SIK3: variants seen among roughly 807,000 people sequenced by gnomAD.
SIK3 encodes the protein serine/threonine-protein kinase SIK3.
A neutral mutation model predicts 144.2 loss-of-function variants in SIK3; 28 were observed. That is an observed-to-expected ratio of 0.19 (90% CI 0.14 to 0.27). SIK3 has a LOEUF of 0.27. SIK3 is among the 10% of genes least tolerant of loss of function. The pLI, the probability that SIK3 is intolerant of heterozygous loss-of-function variation, is 1.00. For synonymous variants in SIK3, 686 were observed against 676.3 expected (o/e 1.01, Z -0.22); for missense variants, 1,319 against 1,776.0 (o/e 0.74, Z 4.62).
At chr11:116,919,315 G>A (rs1946835834) in intron 4 of SIK3, among the ~76,000 whole-genome samples, 1 of 152,072 alleles carries the variant, frequency 6.6e-6, no homozygotes, top group Non-Finnish European at 1.5e-5. Flanking sequence ...ATAATAAAAT[G>A]GTCTAGCTCT....
intron 6 of SIK3, among the ~76,000 whole-genome samples, chr11:116,879,180 A>T (rs1216018380): frequency 2.0e-5 from 3 of 152,152 alleles, no homozygotes; most frequent in African/African-American, 7.2e-5. Context: ...AATTGTGAAA[A>T]TTTTTTTAAA....
chr11:116,987,334 A>AAC lies in SIK3; in HGVS notation c.274-30271_274-30270insGT, dbSNP rs757046122. On this transcript the variant is annotated intron_variant, in intron 1 of 24. Transcript: ENST00000445177. Reference sequence around the variant, plus strand: ...TTCATAAAAGATTAAAAAAAAAAAAAAAAACACAGAGAGCCTGTTTCTAAG... The same window carrying AAC: ...TTCATAAAAGATTAAAAAAAAAAAAAACAAAACACAGAGAGCCTGTTTCTAAG... Among the ~76,000 whole-genome samples, 18 of 151,932 alleles carry AAC rather than the reference A, an allele frequency of 1.2e-4. No homozygotes were observed. The South Asian group carries it at 3.5e-3, about 30-fold the overall frequency.
chr11:116,845,968 A>G (rs994299259), intron 24 of SIK3, among the ~76,000 whole-genome samples: 1 of 152,230 alleles, frequency 6.6e-6, no homozygotes, highest in Non-Finnish European at 1.5e-5. Flanking sequence ...GGCCTTAAAA[A>G]ATATGGCTGG....
chr11:116,887,979 A>G (rs1247624278), intron 6 of SIK3, among the ~76,000 whole-genome samples: 1 of 151,440 alleles, frequency 6.6e-6, no homozygotes, highest in African/African-American at 2.5e-5. Context: ...AGAAATATAC[A>G]TGAATTGTGA....
intron 1 of SIK3, among the ~76,000 whole-genome samples, chr11:117,035,242 T>TA (rs1363096285): frequency 6.6e-6 from 1 of 152,136 alleles, no homozygotes. Context: ...ACTGAGTGAA[T>TA]AAAAGGCAGA....
At chr11:116,967,267 C>T (rs1044911999) in intron 1 of SIK3, among the ~76,000 whole-genome samples, 2 of 152,186 alleles carry the variant, frequency 1.3e-5, no homozygotes, top group Non-Finnish European at 2.9e-5. Flanking sequence ...AGCCTGTGTA[C>T]TGTTAAGCAC....
intron 1 of SIK3, among the ~76,000 whole-genome samples, chr11:117,037,909 T>G (rs1952583251): frequency 6.6e-6 from 1 of 152,246 alleles, no homozygotes; most frequent in South Asian, 2.1e-4. Context: ...TCCTCTGTTT[T>G]CACATTTCTT....
chr11:117,019,855 C>A (rs1482755129), intron 1 of SIK3, among the ~76,000 whole-genome samples: 1 of 151,462 alleles, frequency 6.6e-6, no homozygotes, highest in African/African-American at 2.4e-5. Context: ...TTTAGATACA[C>A]CACTGTACTT....
At chr11:117,013,799 A>G (rs1316989597) in intron 1 of SIK3, among the ~76,000 whole-genome samples, 3 of 140,012 alleles carry the variant, frequency 2.1e-5, no homozygotes, top group Non-Finnish European at 4.7e-5. Flanking sequence ...TTTTACTGAT[A>G]AAACTGAGAC....
At chr11:116,966,774 C>T (rs1238910844) in intron 1 of SIK3, among the ~76,000 whole-genome samples, 2 of 151,200 alleles carry the variant, frequency 1.3e-5, no homozygotes, top group South Asian at 2.1e-4. Flanking sequence ...CCGAGGTGGG[C>T]GGACTGCCTG....
At position 116,957,071 on chromosome 11, in the gene SIK3, A is replaced by AC. The variant is rs1477671227; in HGVS notation, c.274-8dup. 6.4e-7 allele frequency: 1 copy of AC among 1,550,422 alleles called. No individual in the cohort carries two copies. The highest frequency in any genetic ancestry group is 1.2e-5 in the South Asian group (1 of 83,416). ...CTATGATCTTGATAGCAACCTGACA[A>AC]CAGAGGGAAAAAAATTACTCTGATG... On this transcript the variant is annotated splice_region_variant and splice_polypyrimidine_tract_variant and intron_variant, in intron 1 of 24. Coordinates refer to ENST00000445177, the MANE Select transcript of SIK3 (RefSeq NM_001366686.3).
chr11:117,063,376 C>A (rs1329768650), intron 1 of SIK3, among the ~76,000 whole-genome samples: 2 of 152,134 alleles, frequency 1.3e-5, no homozygotes, highest in African/African-American at 2.4e-5. Context: ...GCAGGCAATA[C>A]TCTCTTGGTT....
At chr11:116,979,189 G>T (rs1248931868) in intron 1 of SIK3, among the ~76,000 whole-genome samples, 1 of 152,060 alleles carries the variant, frequency 6.6e-6, no homozygotes, top group Non-Finnish European at 1.5e-5. Context: ...TGTTTGGTGG[G>T]GGAAAGGAGA....
At position 116,857,750 on chromosome 11, in the gene SIK3, T is replaced by C. The variant is rs536448679; in HGVS notation, c.3655+60A>G. ...AATACTAGCTGAAAAAAGATAACAT[T>C]ACTGAGTCAGTTGATTAGGGCAGAC... On this transcript the variant is annotated intron_variant, in intron 21 of 24. Coordinates refer to ENST00000445177, the MANE Select transcript of SIK3 (RefSeq NM_001366686.3). 9.6e-6 allele frequency: 15 copies of C among 1,570,178 alleles called. No homozygotes were observed. In the African/African-American group the frequency reaches 1.8e-4, roughly 19 times the overall value.
At chr11:116,897,010 G>C (rs936031201) in intron 5 of SIK3, among the ~76,000 whole-genome samples, 183 bp downstream of exon 5, 1 of 133,378 alleles carries the variant, frequency 7.5e-6, no homozygotes, top group Non-Finnish European at 1.6e-5. Context: ...CTGGGCGACA[G>C]AGTGAGACTC....
intron 1 of SIK3, among the ~76,000 whole-genome samples, chr11:116,981,042 G>A (rs1214328662): frequency 6.6e-6 from 1 of 152,006 alleles, no homozygotes; most frequent in Non-Finnish European, 1.5e-5. Context: ...ACATCTGTAG[G>A]CTTTATAAGA....
At chr11:117,012,833 T>A (rs1194077002) in intron 1 of SIK3, among the ~76,000 whole-genome samples, 3 of 150,554 alleles carry the variant, frequency 2.0e-5, no homozygotes, top group Non-Finnish European at 4.4e-5. Context: ...TAGGGTTTTT[T>A]TTTTTGCCAT....
intron 1 of SIK3, among the ~76,000 whole-genome samples, chr11:116,997,234 C>A (rs1011856566): frequency 1.3e-5 from 2 of 152,182 alleles, no homozygotes; most frequent in South Asian, 4.1e-4. Flanking sequence ...TCAATCCATG[C>A]GCACAAGCAG....
rs141361432 is a variant in SIK3, at chr11:117,006,727, T to C, written c.274-49663A>G. Among the ~76,000 whole-genome samples the C allele has an allele frequency of 2.3e-3, 346 of 152,278 alleles. 4 individuals are homozygous for C. Among genetic ancestry groups the C allele is most frequent in the African/African-American group, 7.8e-3 (323 of 41,564 alleles). The stretch of plus-strand genomic sequence containing the variant: ...AAAGCATGGGGGTAGGAGGTGTTTT[T>C]GCAAATCTAGGTATTTAGCTCAGGC... On this transcript the variant is annotated intron_variant, in intron 1 of 24. Transcript: ENST00000445177.
Sources: gnomAD v4.1 joint callset for allele counts (sites outside exome capture counted in the v4.1 genomes callset) on GRCh38, gnomAD v4.1.1 for gene constraint, MANE v1.5 for transcripts, NCBI Gene and HGNC (gene_info 2026-07-23, HGNC 2026-07-21) for gene names.